SLA2: variants seen among roughly 807,000 people sequenced by gnomAD.
SLA2 encodes src-like-adapter 2.
Under a neutral mutation model 27.3 loss-of-function variants are expected in SLA2, and 22 were observed. The observed-to-expected ratio is 0.81, with a 90% CI of 0.58 to 1.15. SLA2 has a LOEUF of 1.15. Ranked by LOEUF, SLA2 falls within the 50% of genes most tolerant of loss-of-function variation. The probability of loss-of-function intolerance (pLI) is 0.00; values close to 1 mark genes in which losing one functional copy is unlikely to be tolerated. For synonymous variants in SLA2, 131 were observed against 137.8 expected (o/e 0.95, Z 0.34); for missense variants, 304 against 322.2 (o/e 0.94, Z 0.43).
At position 36,646,186 on chromosome 20, in the gene SLA2, T is replaced by C. The variant is rs550700052; in HGVS notation, c.-393A>G. 6.6e-6 allele frequency: 1 copy of C among 152,382 alleles called. No homozygotes were observed. Among genetic ancestry groups the C allele is most frequent in the East Asian group, 1.9e-4 (1 of 5,180 alleles). 9.4% of individuals were successfully genotyped at this position (152,382 alleles called of 1,614,324 possible). On this transcript the variant is annotated 5_prime_UTR_variant, in exon 1 of 8. Coordinates refer to ENST00000262866, the MANE Select transcript of SLA2 (RefSeq NM_032214.4). Reference sequence around the variant, plus strand: ...CACAGGCGTGGGGTCCTTGGAGCTCTAGCTCCGACTGCAGACTCTGTGGTT... The same window carrying C: ...CACAGGCGTGGGGTCCTTGGAGCTCCAGCTCCGACTGCAGACTCTGTGGTT...
At chr20:36,633,757 C>T in intron 3 of SLA2, 128 bp from the exon 4 acceptor site, 2 of 695,766 alleles carry the variant, frequency 2.9e-6, no homozygotes, top group African/African-American at 1.8e-5. Flanking sequence ...GTTTCCCAGG[C>T]TTCCCTGCAC....
intron 5 of SLA2, among the ~76,000 whole-genome samples, chr20:36,632,069 C>T (rs933082481): frequency 6.6e-6 from 1 of 152,164 alleles, no homozygotes; most frequent in Non-Finnish European, 1.5e-5. Flanking sequence ...CAGAGAGTCC[C>T]TGTAATGCAT....
chr20:36,643,799 A>C (rs1257215384), intron 1 of SLA2, among the ~76,000 whole-genome samples: 8 of 152,110 alleles, frequency 5.3e-5, no homozygotes, highest in Admixed American at 5.2e-4. Flanking sequence ...TAAAAATACA[A>C]AAATGAGCCG....
intron 5 of SLA2, chr20:36,621,478 T>G (rs895462045): frequency 4.1e-5 from 16 of 390,840 alleles, no homozygotes; most frequent in Non-Finnish European, 4.9e-5. Flanking sequence ...AGTCTTGCTG[T>G]GTCACCAGGC....
At chr20:36,621,235 A>G (rs576517324) in intron 5 of SLA2, 43 of 539,908 alleles carry the variant, frequency 8.0e-5, no homozygotes, top group African/African-American at 7.5e-4. Flanking sequence ...TGAAGGAGGA[A>G]ATTTTGGCGC....
chr20:36,622,634 C>T (rs900226874), intron 5 of SLA2, among the ~76,000 whole-genome samples: 4 of 152,130 alleles, frequency 2.6e-5, no homozygotes, highest in African/African-American at 9.7e-5. Context: ...CTTTTGCAGA[C>T]TCTAGAGAAG....
In SLA2 at chr20:36,615,218, G is replaced by GA; in HGVS notation, c.532+6_532+7insT. 2.5e-6 allele frequency: 4 copies of GA among 1,614,094 alleles called. No individual in the cohort carries two copies. Among genetic ancestry groups the GA allele is most frequent in the Non-Finnish European group, 2.5e-6 (3 of 1,180,014 alleles). On this transcript the variant is annotated splice_region_variant and intron_variant, in intron 6 of 7. Transcript: ENST00000262866. ...AGCCTAGTCCTGGAGGCAGGGAAAG[G>GA]CCATACCAGAGTAATGGTCCACCAG...
At position 36,612,465 on chromosome 20, in the gene SLA2, G is replaced by A. The variant is rs1232710485; in HGVS notation, c.*1401C>T. 3 of 564,412 alleles carry A rather than the reference G, an allele frequency of 5.3e-6. No homozygotes were observed. In the Admixed American group the frequency reaches 9.1e-5, roughly 17 times the overall value. The allele number at this position is 564,412 out of a possible 1,614,324, so 35.0% of individuals were successfully genotyped here. A position where few individuals can be genotyped will look rare whatever the true frequency, so the allele number is the denominator to read the frequency against. On this transcript the variant is annotated 3_prime_UTR_variant, in exon 8 of 8. Transcript: ENST00000262866. ...TCTGAAACAGCATGGCTGTATGTGC[G>A]TGGTCCATAGCACAGTACATGCAGC... is the stretch of plus-strand genomic sequence containing the variant.
At chr20:36,642,403 G>A (rs1218138887) in intron 1 of SLA2, among the ~76,000 whole-genome samples, 1 of 150,590 alleles carries the variant, frequency 6.6e-6, no homozygotes, top group Non-Finnish European at 1.5e-5. Context: ...GTTCATCAGC[G>A]GCCTCTCCTG....
chr20:36,635,108 C>T (rs566777628), intron 2 of SLA2, among the ~76,000 whole-genome samples: 25 of 151,990 alleles, frequency 1.6e-4, no homozygotes, highest in African/African-American at 5.1e-4. Flanking sequence ...GGGCATCAGG[C>T]GGCAAGGGCA....
intron 5 of SLA2, among the ~76,000 whole-genome samples, chr20:36,625,457 CA>C (rs1400433071): frequency 6.6e-6 from 1 of 152,044 alleles, no homozygotes; most frequent in Admixed American, 6.5e-5. Context: ...ACTCTGTCCT[CA>C]GGTGATTCCC....
At chr20:36,619,582 A>G (rs2039257268) in intron 5 of SLA2, among the ~76,000 whole-genome samples, 1 of 151,454 alleles carries the variant, frequency 6.6e-6, no homozygotes, top group East Asian at 1.9e-4. Context: ...AGAATTAAAG[A>G]CCAGCCTGGT....
chr20:36,627,597 C>G (rs1192251008), intron 5 of SLA2, among the ~76,000 whole-genome samples: 1 of 152,200 alleles, frequency 6.6e-6, no homozygotes, highest in African/African-American at 2.4e-5. Flanking sequence ...CCTTATAGTG[C>G]CTGACACAGA....
chr20:36,614,841 G>A (rs1346917577), intron 6 of SLA2: 2 of 985,292 alleles, frequency 2.0e-6, no homozygotes, highest in Non-Finnish European at 2.4e-6. Context: ...CCCAGTGACT[G>A]CATCTTCCAG....
intron 5 of SLA2, among the ~76,000 whole-genome samples, chr20:36,626,547 C>T (rs1398960258): frequency 6.9e-6 from 1 of 145,250 alleles, no homozygotes; most frequent in Non-Finnish European, 1.5e-5. Context: ...TTGGGTGACC[C>T]TGTCTTAAAA....
At chr20:36,634,821 A>G (rs1379236977) in intron 2 of SLA2, among the ~76,000 whole-genome samples, 1 of 152,016 alleles carries the variant, frequency 6.6e-6, no homozygotes, top group Non-Finnish European at 1.5e-5. Flanking sequence ...GAAAGAAAAA[A>G]AAAATAGTGA....
intron 2 of SLA2, among the ~76,000 whole-genome samples, chr20:36,636,427 C>CAA (rs71186007): frequency 0.011 from 648 of 61,368 alleles, 10 homozygotes; most frequent in Non-Finnish European, 0.015. Flanking sequence ...GACTCCGTCT[C>CAA]AAAAAAAAAA....
intron 5 of SLA2, among the ~76,000 whole-genome samples, chr20:36,622,082 A>G (rs2039288898): frequency 6.6e-6 from 1 of 151,884 alleles, no homozygotes; most frequent in Non-Finnish European, 1.5e-5. Context: ...CGCTTTGGGA[A>G]GCCGAGGCAG....
At chr20:36,641,140 C>G (rs755679293) in intron 2 of SLA2, 105 bp downstream of exon 2, 4 of 925,392 alleles carry the variant, frequency 4.3e-6, no homozygotes, top group Admixed American at 3.6e-5. Flanking sequence ...AGGCCCTCAG[C>G]GGTGCTTACA....
Sources: allele counts gnomAD v4.1 joint callset (sites outside exome capture counted in the v4.1 genomes callset), GRCh38; gene constraint gnomAD v4.1.1; transcripts MANE v1.5; gene names NCBI Gene and HGNC (gene_info 2026-07-23, HGNC 2026-07-21).